ASIC2: variants seen among roughly 807,000 people sequenced by gnomAD.
ASIC2 encodes the protein acid sensing ion channel subunit 2.
In ASIC2, 25 loss-of-function variants were observed where a neutral mutation model predicts 57.3. The ratio of observed to expected loss-of-function variants is 0.44; its 90% CI spans 0.32 to 0.61. The LOEUF (loss-of-function observed/expected upper bound fraction) is 0.61. Ranked by LOEUF, ASIC2 falls within the 20% of genes least tolerant of loss-of-function variation. ASIC2 has a pLI of 0.06. For missense variants in ASIC2, 641 were observed against 738.1 expected (o/e 0.87, Z 1.52); for synonymous variants, 319 against 307.5 (o/e 1.04, Z -0.39).
chr17:33,297,828 A>G (rs1198838879), upstream of ASIC2, among the ~76,000 whole-genome samples: 1 of 31,192 alleles, frequency 3.2e-5, no homozygotes, highest in Non-Finnish European at 6.0e-5. Flanking sequence ...GTCTCAAAAT[A>G]AATAAATAAA....
chr17:33,793,342 T>C (rs1264694381), intron 1 of ASIC2: 1 of 152,270 alleles, frequency 6.6e-6, no homozygotes, highest in Non-Finnish European at 1.5e-5. Flanking sequence ...AATAATGCAA[T>C]GAGCTGCAGA....
intron 1 of ASIC2, among the ~76,000 whole-genome samples, chr17:33,798,475 C>T (rs754736175): frequency 1.1e-4 from 16 of 152,128 alleles, no homozygotes; most frequent in Admixed American, 7.9e-4. Context: ...CAGCCCAAAG[C>T]ACAGATCAAA....
At chr17:33,342,570 G>T (rs1383284117) in intron 1 of ASIC2, among the ~76,000 whole-genome samples, 3 of 152,108 alleles carry the variant, frequency 2.0e-5, no homozygotes, top group Non-Finnish European at 2.9e-5. Flanking sequence ...ATTCCTGGGG[G>T]AATCACATGA....
At position 33,620,915 on chromosome 17, in the gene ASIC2, C is replaced by T. The variant is rs569772718; in HGVS notation, c.556-508848G>A. On this transcript the variant is annotated intron_variant, in intron 1 of 9. Coordinates refer to the ASIC2 transcript ENST00000359872. ...GCCTCTCCAGCCTCTCTGAGCCCGC[C>T]CCCTTCCACCATCACTCATGGACCC... Among the ~76,000 whole-genome samples, 7 of 152,220 alleles carry T rather than the reference C, an allele frequency of 4.6e-5. No homozygotes were observed. The East Asian group carries it at 9.7e-4, about 21-fold the overall frequency.
intron 1 of ASIC2, among the ~76,000 whole-genome samples, chr17:33,803,513 T>G (rs1912188947): frequency 1.3e-5 from 2 of 152,008 alleles, no homozygotes; most frequent in Non-Finnish European, 2.9e-5. Flanking sequence ...ATACCTAATG[T>G]TTACTCCTAG....
chr17:33,130,695 G>T (rs186521087), intron 1 of ASIC2, among the ~76,000 whole-genome samples: 17 of 152,296 alleles, frequency 1.1e-4, no homozygotes, highest in East Asian at 5.8e-4. Context: ...CCTCCTGGAG[G>T]GGGGGACTTG....
chr17:33,910,907 C>A (rs562438488), intron 1 of ASIC2, among the ~76,000 whole-genome samples: 54 of 152,270 alleles, frequency 3.5e-4, no homozygotes, highest in Middle Eastern at 3.4e-3. Context: ...GGAGTGGAGG[C>A]TATTTCAACC....
chr17:33,581,357 T>G (rs1208544898), intron 1 of ASIC2: 1 of 152,192 alleles, frequency 6.6e-6, no homozygotes, highest in Non-Finnish European at 1.5e-5. Flanking sequence ...GGAAGTGGAT[T>G]TTCTCCCAAA....
At chr17:33,749,448 C>T (rs1910364591) in intron 1 of ASIC2, among the ~76,000 whole-genome samples, 1 of 152,070 alleles carries the variant, frequency 6.6e-6, no homozygotes, top group African/African-American at 2.4e-5. Flanking sequence ...ACCAGTCCAG[C>T]CCCTGTTCCT....
chr17:33,803,594 T>TC (rs1912193250), intron 1 of ASIC2, among the ~76,000 whole-genome samples: 1 of 150,428 alleles, frequency 6.6e-6, no homozygotes, highest in Admixed American at 6.6e-5. Context: ...TTCTTTTTTT[T>TC]TTTTTTTTTT....
At chr17:33,339,327 AT>A (rs1379684159) in intron 1 of ASIC2, among the ~76,000 whole-genome samples, 3 of 152,088 alleles carry the variant, frequency 2.0e-5, no homozygotes. Context: ...TCACGTAGAT[AT>A]TTTTGGCTTT....
chr17:33,452,738 G>GGGGTGTGTGT (rs1555535324), intron 1 of ASIC2, among the ~76,000 whole-genome samples: 4 of 140,508 alleles, frequency 2.8e-5, no homozygotes, highest in Middle Eastern at 3.6e-3. Flanking sequence ...AACAGAGTGG[G>GGGGTGTGTGT]GTGTGTGTGT....
chr17:33,049,282 C>T (rs2091966494), intron 3 of ASIC2, among the ~76,000 whole-genome samples: 1 of 152,110 alleles, frequency 6.6e-6, no homozygotes, highest in South Asian at 2.1e-4. Context: ...TAGCTGTGTG[C>T]CAAAGGTAGA....
At chr17:33,446,228 G>C (rs1912013021) in intron 1 of ASIC2, among the ~76,000 whole-genome samples, 1 of 152,060 alleles carries the variant, frequency 6.6e-6, no homozygotes, top group South Asian at 2.1e-4. Context: ...AACATCCCTG[G>C]TGGAGAAAAG....
rs146555024 is a variant in ASIC2 at position 33,179,081 on chromosome 17, C to T, written c.709-67014G>A. Among the ~76,000 whole-genome samples, 365 of 152,286 alleles carry T rather than the reference C, an allele frequency of 2.4e-3. 1 individual carries two copies. The highest frequency in any genetic ancestry group is 7.9e-3 in the African/African-American group (327 of 41,548). ...ACCTGGCACAAATTTGGTGCCTTTA[C>T]GCACAGCCATTAATGGGGATTGGTG... is the stretch of plus-strand genomic sequence containing the variant. On this transcript the variant is annotated intron_variant, in intron 1 of 9. Transcript: ENST00000225823.
intron 1 of ASIC2, among the ~76,000 whole-genome samples, chr17:33,417,731 AC>A (rs1352193279): frequency 6.6e-6 from 1 of 151,302 alleles, no homozygotes; most frequent in Non-Finnish European, 1.5e-5. Flanking sequence ...CTCCTAACTC[AC>A]CCCCAAGAGA....
chr17:33,432,844 C>G (rs111615459), intron 1 of ASIC2, among the ~76,000 whole-genome samples: 1 of 152,020 alleles, frequency 6.6e-6, no homozygotes, highest in Admixed American at 6.5e-5. Flanking sequence ...AAATCAAAGC[C>G]GCAATGAGAT....
chr17:33,567,540 A>G (rs1363176804), intron 1 of ASIC2, among the ~76,000 whole-genome samples: 2 of 152,192 alleles, frequency 1.3e-5, no homozygotes, highest in Non-Finnish European at 2.9e-5. Context: ...AGGGAAGAGT[A>G]AAAACAGTAT....
rs571641567 is a variant in ASIC2 at position 33,065,202 on chromosome 17, A to T, written c.987+23661T>A. ...TGAACATATATATTTTTTGAGACAA[A>T]GTCTTGGTTTGTCACCCAGGCTGGA... is the stretch of plus-strand genomic sequence containing the variant. On this transcript the variant is annotated intron_variant, in intron 3 of 9. Coordinates refer to ENST00000225823, the MANE Select transcript of ASIC2 (RefSeq NM_183377.2). Among the ~76,000 whole-genome samples, 9 of 152,238 alleles carry T rather than the reference A, an allele frequency of 5.9e-5. No homozygotes were observed. The East Asian group carries it at 1.5e-3, about 26-fold the overall frequency.
Sources: allele counts gnomAD v4.1 joint callset (sites outside exome capture counted in the v4.1 genomes callset), GRCh38; gene constraint gnomAD v4.1.1; transcripts MANE v1.5; gene names NCBI Gene and HGNC (gene_info 2026-07-23, HGNC 2026-07-21).